Variants in TRIM59 observed in about 807,000 individuals in gnomAD.
TRIM59 encodes tripartite motif-containing protein 59.
A neutral mutation model predicts 32.2 loss-of-function variants in TRIM59; 14 were observed. That is an observed-to-expected ratio of 0.43 (90% confidence interval 0.29 to 0.68). The LOEUF (loss-of-function observed/expected upper bound fraction) is 0.68. Ranked by LOEUF, TRIM59 falls within the 30% of genes least tolerant of loss-of-function variation. The pLI, the probability that TRIM59 is intolerant of heterozygous loss-of-function variation, is 0.15. For missense variants in TRIM59, 471 were observed against 463.3 expected, an observed-to-expected ratio of 1.02 and a Z score of -0.15; for synonymous variants, 163 against 155.1, an observed-to-expected ratio of 1.05 and a Z score of -0.38.
intron 1 of TRIM59, 191 bp downstream of exon 1, chr3:160,449,526 G>A: frequency 8.0e-7 from 1 of 1,246,774 alleles, no homozygotes; most frequent in Non-Finnish European, 1.0e-6. Context: ...CACAGTGGAG[G>A]GACGGGAAAG....
rs557840155 is a variant in TRIM59, at chr3:160,438,077, TAG to T, written c.1105_1106del (p.Leu369IlefsTer8). The T allele has an allele frequency of 4.4e-6, 7 of 1,606,392 alleles. No homozygotes were observed. Among genetic ancestry groups the T allele is most frequent in the Non-Finnish European group, 6.0e-6 (7 of 1,175,580 alleles). On this transcript the variant is annotated frameshift_variant, in exon 3 of 3. Coordinates refer to ENST00000309784, the MANE Select transcript of TRIM59 (RefSeq NM_173084.3). LOFTEE classifies it high-confidence loss of function. Reference protein sequence around the residue: ...ITLIWFSEASLSVYQSLSNSL... With the variant: ...ITLIWFSEASXSVYQSLSNSL... ...TGTTAGATAAACTTTGGTAAACAGA[TAG>T]AGAGGCTTCAGAAAACCATATTAAA... is the stretch of plus-strand genomic sequence containing the variant.
At chr3:160,441,766 A>AG (rs1203426576) in intron 2 of TRIM59, among the ~76,000 whole-genome samples, 2 of 150,898 alleles carry the variant, frequency 1.3e-5, no homozygotes, top group Non-Finnish European at 2.9e-5. Context: ...AAAAAAAAAA[A>AG]AAAAAAGAAA....
intron 2 of TRIM59, among the ~76,000 whole-genome samples, chr3:160,444,892 T>C (rs1410199353): frequency 6.6e-6 from 1 of 152,124 alleles, no homozygotes; most frequent in African/African-American, 2.4e-5. Flanking sequence ...TAGAACAGAA[T>C]GTAGCAATGT....
intron 2 of TRIM59, among the ~76,000 whole-genome samples, chr3:160,442,653 G>A (rs1719316127): frequency 6.6e-6 from 1 of 152,086 alleles, no homozygotes; most frequent in Non-Finnish European, 1.5e-5. Context: ...ACAAAAATTT[G>A]TGGATAACTT....
In TRIM59 at chr3:160,437,231, C is replaced by A; in HGVS notation, c.*741G>T. 1 of 566,998 alleles carries A rather than the reference C, an allele frequency of 1.8e-6. No homozygotes were observed. The highest frequency in any genetic ancestry group is 7.8e-5 in the South Asian group (1 of 12,884). 35.1% of individuals were successfully genotyped at this position (566,998 alleles called of 1,614,324 possible). Reference sequence around the variant, plus strand: ...ATTAGCCAGGCATGGGGGTGTGTGCCTTGTCCCAGCTGCTCCAGAGGCAGA... The same window carrying A: ...ATTAGCCAGGCATGGGGGTGTGTGCATTGTCCCAGCTGCTCCAGAGGCAGA... On this transcript the variant is annotated 3_prime_UTR_variant, in exon 3 of 3. Transcript: ENST00000309784.
rs1401953514 is a variant in TRIM59 at position 160,436,957 on chromosome 3, T to C, written c.*1015A>G. On this transcript the variant is annotated 3_prime_UTR_variant, in exon 3 of 3. Coordinates refer to ENST00000309784, the MANE Select transcript of TRIM59 (RefSeq NM_173084.3). ...CCAAGTTACCAACATGATTCTGTTC[T>C]AATAAGAATGAGTTTTTAATCCAAG... 1.0e-6 allele frequency: 1 copy of C among 985,182 alleles called. No individual in the cohort carries two copies. The highest frequency in any genetic ancestry group is 1.2e-6 in the Non-Finnish European group (1 of 829,908). 61.0% of individuals were successfully genotyped at this position (985,182 alleles called of 1,614,324 possible).
chr3:160,436,892 T>A lies in TRIM59; in HGVS notation c.*1080A>T. The A allele has an allele frequency of 1.0e-6, 1 of 983,678 alleles. No individual in the cohort carries two copies. The highest frequency in any genetic ancestry group is 1.2e-6 in the Non-Finnish European group (1 of 829,706). The allele number at this position is 983,678 out of a possible 1,614,324, so 60.9% of individuals were successfully genotyped here. Reference sequence around the variant, plus strand: ...GGTAGAAAATTTAAATGAGTTAAGATGAATAAAGTCCACATGATGCCATCA... The same window carrying A: ...GGTAGAAAATTTAAATGAGTTAAGAAGAATAAAGTCCACATGATGCCATCA... On this transcript the variant is annotated 3_prime_UTR_variant, in exon 3 of 3. Coordinates refer to ENST00000309784, the MANE Select transcript of TRIM59 (RefSeq NM_173084.3).
In TRIM59 at chr3:160,439,691, C is replaced by T. The variant is rs143023890; in HGVS notation, c.-3-505G>A. Among the ~76,000 whole-genome samples, 501 of 152,236 alleles carry T rather than the reference C, an allele frequency of 3.3e-3. 11 individuals carry two copies. In the East Asian group the frequency reaches 0.061, roughly 19 times the overall value. On this transcript the variant is annotated intron_variant, in intron 2 of 2. Transcript: ENST00000309784. Reference sequence around the variant, plus strand: ...TTTTCTTGTCTGCCGCCATGTGAGACGTGCCTTTCACCTTCTGCCATGATT... The same window carrying T: ...TTTTCTTGTCTGCCGCCATGTGAGATGTGCCTTTCACCTTCTGCCATGATT...
intron 2 of TRIM59, among the ~76,000 whole-genome samples, chr3:160,447,448 G>A (rs1577020439): frequency 1.3e-5 from 2 of 152,162 alleles, no homozygotes; most frequent in East Asian, 3.8e-4. Context: ...GTGTGTTTAA[G>A]TGTCAAAACA....
At chr3:160,443,616 G>T (rs915687659) in intron 2 of TRIM59, among the ~76,000 whole-genome samples, 4 of 152,020 alleles carry the variant, frequency 2.6e-5, no homozygotes, top group Non-Finnish European at 5.9e-5. Context: ...AGTCACTCTA[G>T]AAGAGGAAGA....
At chr3:160,446,415 T>TA (rs960688966) in intron 2 of TRIM59, among the ~76,000 whole-genome samples, 10 of 151,560 alleles carry the variant, frequency 6.6e-5, no homozygotes, top group South Asian at 2.1e-4. Flanking sequence ...AGGAGTACAT[T>TA]AAAAAAAACA....
At position 160,438,504 on chromosome 3, in the gene TRIM59, T is replaced by G; in HGVS notation, c.680A>C (p.Glu227Ala). The change falls in exon 3 of 3, where the codon GAA (glutamate) becomes GCA (alanine). Residue 227 changes from glutamate (E) to alanine (A), a missense_variant. By Grantham distance (107) the Glu-to-Ala change is moderately radical. Transcript: ENST00000309784. The stretch of plus-strand genomic sequence containing the variant: ...TAATTCAAGCTGCTGCTCTCGTATT[T>G]CCTTCATTCTTTCAATTTGTGGAGT... ...EYTPQIERMK[E>A]IREQQLELMA... 1 of 1,612,548 alleles carries G rather than the reference T, an allele frequency of 6.2e-7. No homozygotes were observed. Among genetic ancestry groups the G allele is most frequent in the Non-Finnish European group, 8.5e-7 (1 of 1,179,684 alleles).
intron 1 of TRIM59, chr3:160,449,456 C>T (rs1283722620): frequency 2.6e-6 from 3 of 1,170,648 alleles, no homozygotes; most frequent in Non-Finnish European, 3.2e-6. Context: ...GACTCGGCGG[C>T]GTCCGCTCAG....
chr3:160,448,598 G>A, intron 2 of TRIM59, 128 bp downstream of exon 2: 1 of 448,496 alleles, frequency 2.2e-6, no homozygotes, highest in Non-Finnish European at 3.8e-6. Flanking sequence ...TAAAATGGTT[G>A]GAGTTTTATA....
In TRIM59 at chr3:160,435,669, T is replaced by C; in HGVS notation, c.*2303A>G. The C allele has an allele frequency of 7.9e-6, 2 of 254,086 alleles. No homozygotes were observed. The highest frequency in any genetic ancestry group is 1.6e-5 in the Non-Finnish European group (2 of 125,382). 15.7% of individuals were successfully genotyped at this position (254,086 alleles called of 1,614,324 possible). ...TATACTCAACTATATTCATGCATAC[T>C]TAACAAAATGAAAAGTTCTCCTAAA... is the stretch of plus-strand genomic sequence containing the variant. On this transcript the variant is annotated 3_prime_UTR_variant, in exon 3 of 3. Coordinates refer to ENST00000309784, the MANE Select transcript of TRIM59 (RefSeq NM_173084.3).
chr3:160,437,967 C>T lies in TRIM59; in HGVS notation c.*5G>A, dbSNP rs1212382835. 3 of 1,533,802 alleles carry T rather than the reference C, an allele frequency of 2.0e-6. No homozygotes were observed. The highest frequency in any genetic ancestry group is 2.6e-6 in the Non-Finnish European group (3 of 1,146,644). ...AGCCCATTTAAACAATTCAGGTTGA[C>T]ATTTTCAATGGGAAACTATTTTCCA... On this transcript the variant is annotated 3_prime_UTR_variant, in exon 3 of 3. Transcript: ENST00000309784.
intron 2 of TRIM59, among the ~76,000 whole-genome samples, chr3:160,447,188 T>G (rs1364400254): frequency 6.6e-6 from 1 of 152,202 alleles, no homozygotes; most frequent in South Asian, 2.1e-4. Context: ...TTGCCTATTA[T>G]CCAGTCTTCC....
At chr3:160,445,186 GGGA>G (rs1236877317) in intron 2 of TRIM59, among the ~76,000 whole-genome samples, 1 of 151,994 alleles carries the variant, frequency 6.6e-6, no homozygotes, top group Non-Finnish European at 1.5e-5. Context: ...AGGCCAAGGT[GGGA>G]GGATCACTTG....
chr3:160,441,969 C>G (rs993361683), intron 2 of TRIM59, among the ~76,000 whole-genome samples: 3 of 152,048 alleles, frequency 2.0e-5, no homozygotes, highest in Non-Finnish European at 1.5e-5. Flanking sequence ...CAACTTTACC[C>G]TACACCTACA....
Sources: gnomAD v4.1 joint callset for allele counts (sites outside exome capture counted in the v4.1 genomes callset) on GRCh38, gnomAD v4.1.1 for gene constraint, MANE v1.5 for transcripts, NCBI Gene and HGNC (gene_info 2026-07-23, HGNC 2026-07-21) for gene names.